Variants in GAA observed in about 807,000 individuals in gnomAD.
The protein encoded by GAA is lysosomal alpha-glucosidase.
In GAA, 88 loss-of-function variants were observed where a neutral mutation model predicts 103.9. The observed-to-expected ratio is 0.85, with a 90% confidence interval of 0.71 to 1.01. The LOEUF is 1.01. GAA is among the 50% of genes least tolerant of loss of function. The probability of loss-of-function intolerance (pLI) is 0.00; values close to 1 mark genes in which losing one functional copy is unlikely to be tolerated. For synonymous variants in GAA, 572 were observed against 563.1 expected (o/e 1.02, Z -0.22); for missense variants, 1,350 against 1,305.3 (o/e 1.03, Z -0.53).
At chr17:80,107,369 C>T (rs561501762) in intron 3 of GAA, among the ~76,000 whole-genome samples, 188 bp from the exon 4 acceptor site, 4 of 152,330 alleles carry the variant, frequency 2.6e-5, no homozygotes, top group East Asian at 1.9e-4. Context: ...GAGTTGATCA[C>T]GCTGGTGCCA....
At chr17:80,110,140 G>A in intron 9 of GAA, 85 bp downstream of exon 9, 1 of 1,085,346 alleles carries the variant, frequency 9.2e-7, no homozygotes, top group Non-Finnish European at 1.4e-6. Context: ...AAGACGGTGG[G>A]ATTTGAGGAG....
At chr17:80,110,571 G>A (rs2039207786) in intron 9 of GAA, among the ~76,000 whole-genome samples, 156 bp from the exon 10 acceptor site, 1 of 152,256 alleles carries the variant, frequency 6.6e-6, no homozygotes, top group South Asian at 2.1e-4. Context: ...AGAAAGAGCT[G>A]CTCATTGACC....
In GAA at chr17:80,119,664, C is replaced by T. The variant is rs529746390; in HGVS notation, c.*333C>T. 8.5e-5 allele frequency: 31 copies of T among 365,728 alleles called. No individual in the cohort carries two copies. The highest frequency in any genetic ancestry group is 4.2e-4 in the African/African-American group (20 of 47,380). The allele number at this position is 365,728 out of a possible 1,614,324, so 22.7% of individuals were successfully genotyped here. A position where few individuals can be genotyped will look rare whatever the true frequency, so the allele number is the denominator to read the frequency against. On this transcript the variant is annotated 3_prime_UTR_variant, in exon 20 of 20. Coordinates refer to ENST00000302262, the MANE Select transcript of GAA (RefSeq NM_000152.5). ...ACCCCCCTCCATCTGTTCCCAGCAC[C>T]GGAGAAGGGGGTGCTCAGGTGGAGG...
intron 16 of GAA, among the ~76,000 whole-genome samples, 159 bp downstream of exon 16, chr17:80,117,268 T>C (rs769185710): frequency 4.6e-5 from 7 of 152,082 alleles, no homozygotes; most frequent in Non-Finnish European, 8.8e-5. Context: ...TCCGCACCCA[T>C]CAGCCTCTCC....
intron 12 of GAA, chr17:80,112,375 G>A: frequency 1.5e-6 from 1 of 680,496 alleles, no homozygotes; most frequent in Non-Finnish European, 2.5e-6. Context: ...GAGGCTGGGG[G>A]GGGTCCTGGC....
rs139595011 is a variant in GAA, at chr17:80,104,836, G to C, written c.250G>C (p.Val84Leu). ...RPRAVPTQCD[V>L]PPNSRFDCAP... is the part of the protein sequence containing the mutation. ...CAGAGCAGTGCCCACACAGTGCGAC[G>C]TCCCCCCCAACAGCCGCTTCGATTG... is the stretch of plus-strand genomic sequence containing the variant. The change falls in exon 2 of 20, where the codon GTC becomes CTC. Residue 84 changes from valine (V) to leucine (L), a missense_variant. Transcript: ENST00000302262. This position sits in a 1 kb window ranked among gnomAD's most constrained non-coding sequence, Gnocchi z 4.0. 2 of 1,612,484 alleles carry C rather than the reference G, an allele frequency of 1.2e-6. No individual in the cohort carries two copies. Among genetic ancestry groups the C allele is most frequent in the Non-Finnish European group, 1.7e-6 (2 of 1,179,876 alleles).
Position 80,104,714 on chromosome 17 carries a change from G to C in GAA, c.128G>C (p.Ser43Thr). ...TTCCTGCTGGTTCCCCGAGAGCTGA[G>C]TGGCTCCTCCCCAGTCCTGGAGGAG... ...HDFLLVPREL[S>T]GSSPVLEETH... Residue 43 changes from serine (S) to threonine (T), a missense_variant, in exon 2 of 20, where the codon AGT (serine) becomes ACT (threonine). Transcript: ENST00000302262. This position sits in a 1 kb window ranked among gnomAD's most constrained non-coding sequence, Gnocchi z 4.0. The C allele has an allele frequency of 6.2e-7, 1 of 1,612,894 alleles. No homozygotes were observed. Among genetic ancestry groups the C allele is most frequent in the South Asian group, 1.1e-5 (1 of 90,972 alleles).
chr17:80,104,680 C>A lies in GAA; in HGVS notation c.94C>A (p.Leu32Ile). 1 of 1,613,382 alleles carries A rather than the reference C, an allele frequency of 6.2e-7. No individual in the cohort carries two copies. ...CGCTGCACTCCTGGGGCACATCCTA[C>A]TCCATGATTTCCTGCTGGTTCCCCG... ...ATAALLGHIL[L>I]HDFLLVPREL... is the part of the protein sequence containing the mutation. The change falls in exon 2 of 20, where the codon CTC becomes ATC. Residue 32 changes from leucine (L) to isoleucine (I), a missense_variant. Coordinates refer to ENST00000302262, the MANE Select transcript of GAA (RefSeq NM_000152.5). The surrounding 1 kb of genome is among the most constrained non-coding windows in gnomAD (Gnocchi z 4.0).
At chr17:80,117,212 C>T (rs1023075523) in intron 16 of GAA, 103 bp downstream of exon 16, 12 of 1,301,858 alleles carry the variant, frequency 9.2e-6, no homozygotes, top group East Asian at 4.7e-5. Flanking sequence ...GAAAGAGGAA[C>T]GTATGTGTTG....
At position 80,107,856 on chromosome 17, in the gene GAA, G is replaced by A. The variant is rs150343359; in HGVS notation, c.915G>A (p.Gly305=). The change falls in exon 5 of 20, where the codon GGG becomes GGA. Residue 305 remains glycine (G), a synonymous_variant. Transcript: ENST00000302262. The part of the protein sequence containing the change: ...HPFYLALEDG[G]SAHGVFLLNS... ...TCTACCTGGCGCTGGAGGACGGCGG[G>A]TCGGCACACGGGGTGTTCCTGCTAA... The A allele has an allele frequency of 1.3e-3, 2,020 of 1,612,034 alleles. No individual in the cohort carries two copies. Among genetic ancestry groups the A allele is most frequent in the Middle Eastern group, 3.1e-3 (18 of 5,758 alleles).
chr17:80,104,539 C>A lies in GAA; in HGVS notation c.-32-16C>A. The A allele has an allele frequency of 6.4e-7, 1 of 1,563,048 alleles. No homozygotes were observed. The highest frequency in any genetic ancestry group is 2.3e-5 in the East Asian group (1 of 44,222). Reference sequence around the variant, plus strand: ...CCCTCCCGCCTCCCTGCTGAGCCCGCTTTCTTCTCCCGCAGGCCTGTAGGA... The same window carrying A: ...CCCTCCCGCCTCCCTGCTGAGCCCGATTTCTTCTCCCGCAGGCCTGTAGGA... On this transcript the variant is annotated splice_polypyrimidine_tract_variant and intron_variant, in intron 1 of 19. Transcript: ENST00000302262. This position sits in a 1 kb window ranked among gnomAD's most constrained non-coding sequence, Gnocchi z 4.0.
At chr17:80,116,572 G>A (rs2039356816) in intron 15 of GAA, among the ~76,000 whole-genome samples, 1 of 152,254 alleles carries the variant, frequency 6.6e-6, no homozygotes, top group Non-Finnish European at 1.5e-5. Context: ...GCCTTTGGTT[G>A]TGGGACTGGG....
At chr17:80,107,918 G>C in intron 5 of GAA, 22 bp downstream of exon 5, 2 of 1,575,632 alleles carry the variant, frequency 1.3e-6, no homozygotes, top group Non-Finnish European at 1.7e-6. Context: ...GCCGCCCAGC[G>C]CCCGGGCCGG....
At chr17:80,102,356 C>G (rs1183622481) in intron 1 of GAA, 1 of 152,258 alleles carries the variant, frequency 6.6e-6, no homozygotes, top group South Asian at 2.1e-4. Context: ...CACCCGAAAC[C>G]CTTGGAAACC....
chr17:80,112,205 C>T, intron 12 of GAA, 105 bp downstream of exon 12: 3 of 1,163,684 alleles, frequency 2.6e-6, no homozygotes, highest in East Asian at 2.4e-5. Context: ...AGGCCCAGAC[C>T]ACCCGGGGCC....
intron 16 of GAA, among the ~76,000 whole-genome samples, 158 bp from the exon 17 acceptor site, chr17:80,117,442 T>G (rs1323100065): frequency 6.6e-6 from 1 of 152,100 alleles, no homozygotes; most frequent in Non-Finnish European, 1.5e-5. Context: ...CTACCTACAG[T>G]GAGCCCTGAG....
At chr17:80,108,147 C>A in intron 5 of GAA, 143 bp from the exon 6 acceptor site, 1 of 1,454,482 alleles carries the variant, frequency 6.9e-7, no homozygotes, top group Non-Finnish European at 9.5e-7. Context: ...CTGAGTCAGG[C>A]TTAGCACGGC....
intron 16 of GAA, among the ~76,000 whole-genome samples, 171 bp downstream of exon 16, chr17:80,117,280 C>A (rs754734186): frequency 1.3e-5 from 2 of 152,210 alleles, no homozygotes; most frequent in Non-Finnish European, 2.9e-5. Context: ...AGCCTCTCCG[C>A]TCCTCACACC....
In GAA at chr17:80,117,402, A is replaced by T. The variant is rs2304830; in HGVS notation, c.2332-198A>T. ...GCTGGCATACCCAGGCCTCTCAGGC[A>T]CTGTCCCCACTCAGTAGCCAGGAGG... is the stretch of plus-strand genomic sequence containing the variant. On this transcript the variant is annotated intron_variant, in intron 16 of 19. Coordinates refer to ENST00000302262, the MANE Select transcript of GAA (RefSeq NM_000152.5). Among the ~76,000 whole-genome samples the T allele has an allele frequency of 0.72, 109,722 of 152,110 alleles. 39,850 individuals carry two copies. Among genetic ancestry groups the T allele is most frequent in the Middle Eastern group, 0.86 (253 of 294 alleles).
Sources: allele counts gnomAD v4.1 joint callset (sites outside exome capture counted in the v4.1 genomes callset), GRCh38; gene constraint gnomAD v4.1.1; non-coding constraint Gnocchi (gnomAD v3.1); transcripts MANE v1.5; gene names NCBI Gene and HGNC (gene_info 2026-07-23, HGNC 2026-07-21).